The following KCNS3 variants were observed in gnomAD, a reference collection of about 807,000 sequenced individuals.
KCNS3 encodes the protein potassium voltage-gated channel modifier subfamily S member 3.
In KCNS3, 13 loss-of-function variants were observed where a neutral mutation model predicts 31.0. The ratio of observed to expected loss-of-function variants is 0.42; its 90% confidence interval spans 0.27 to 0.67. KCNS3 has a LOEUF of 0.67. KCNS3 is among the 30% of genes least tolerant of loss of function. KCNS3 has a pLI of 0.25. For synonymous variants in KCNS3, 238 were observed against 241.5 expected (o/e 0.99, Z 0.13); for missense variants, 545 against 622.4 (o/e 0.88, Z 1.32).
At chr2:17,894,615 G>A (rs1661978967) in intron 1 of KCNS3, among the ~76,000 whole-genome samples, 1 of 152,204 alleles carries the variant, frequency 6.6e-6, no homozygotes, top group Non-Finnish European at 1.5e-5. Context: ...GTGAACATCA[G>A]GTAGAGAAAG....
intron 1 of KCNS3, among the ~76,000 whole-genome samples, chr2:17,880,595 G>C (rs1393040000): frequency 6.6e-6 from 1 of 152,216 alleles, no homozygotes; most frequent in Non-Finnish European, 1.5e-5. Context: ...TGAATCTTTT[G>C]TCTGACCCAT....
chr2:17,902,691 TG>T (rs1171286917), intron 1 of KCNS3, among the ~76,000 whole-genome samples: 1 of 152,216 alleles, frequency 6.6e-6, no homozygotes, highest in Non-Finnish European at 1.5e-5. Context: ...TTTTAACAAC[TG>T]TAGGTTAAGT....
At chr2:17,917,106 T>C (rs540040706) in intron 1 of KCNS3, among the ~76,000 whole-genome samples, 2 of 152,300 alleles carry the variant, frequency 1.3e-5, no homozygotes, top group African/African-American at 4.8e-5. Context: ...ACACTTCATA[T>C]ACATAACCAC....
intron 1 of KCNS3, among the ~76,000 whole-genome samples, chr2:17,888,714 C>T (rs1661766750): frequency 8.2e-6 from 1 of 122,574 alleles, no homozygotes; most frequent in South Asian, 2.7e-4. Flanking sequence ...TTTTTGTTTG[C>T]TTTGTTAAAG....
intron 2 of KCNS3, among the ~76,000 whole-genome samples, chr2:17,920,761 T>C (rs1015907591): frequency 5.3e-5 from 8 of 152,236 alleles, no homozygotes; most frequent in African/African-American, 1.9e-4. Flanking sequence ...AATGCCACTG[T>C]ACCCTCAGAT....
At position 17,931,555 on chromosome 2, in the gene KCNS3, T is replaced by A. The variant is rs562331327; in HGVS notation, c.547T>A (p.Ser183Thr). 3 of 1,614,208 alleles carry A rather than the reference T, an allele frequency of 1.9e-6. No homozygotes were observed. The African/African-American group carries it at 4.0e-5, about 22-fold the overall frequency. The change falls in exon 3 of 3, where the codon TCC becomes ACC. Residue 183 changes from serine (S) to threonine (T), a missense_variant. Ser to Thr is a moderately conservative substitution (Grantham distance 58). Transcript: ENST00000304101. The surrounding 1 kb of genome is among the most constrained non-coding windows in gnomAD (Gnocchi z 5.4). ...AATGGAGAATCCAGCGTACTGCCTGTCCGCTAAGCTTATCGCTATCTCCTC... is the reference window on the plus strand; with the variant it reads ...AATGGAGAATCCAGCGTACTGCCTGACCGCTAAGCTTATCGCTATCTCCTC... The part of the protein sequence containing the change: ...IRMENPAYCL[S>T]AKLIAISSLS...
intron 1 of KCNS3, chr2:17,879,455 A>C (rs1356861956): frequency 1.3e-5 from 2 of 151,946 alleles, no homozygotes; most frequent in Non-Finnish European, 2.9e-5. Flanking sequence ...TGAGGCTTGC[A>C]GCGCAGGTGT....
At chr2:17,885,749 T>C (rs1661640331) in intron 1 of KCNS3, among the ~76,000 whole-genome samples, 2 of 152,220 alleles carry the variant, frequency 1.3e-5, no homozygotes, top group Non-Finnish European at 2.9e-5. Context: ...TACCAATTTA[T>C]ATGCCAGTCT....
At chr2:17,878,620 C>T (rs965799972), upstream of KCNS3, 1 of 147,820 alleles carries the variant, frequency 6.8e-6, no homozygotes, top group African/African-American at 2.5e-5. Context: ...CCCCGCCCCG[C>T]CCGCAGCTCC....
At position 17,932,423 on chromosome 2, in the gene KCNS3, G is replaced by T; in HGVS notation, c.1415G>T (p.Ser472Ile). ...GATCCTGACTCCACAGATGCTTCAA[G>T]CATTGAAGACAATGAGGACATTTGT... is the stretch of plus-strand genomic sequence containing the variant. Reference protein sequence around the residue: ...VSDPDSTDASSIEDNEDICNT... With the variant: ...VSDPDSTDASIIEDNEDICNT... Residue 472 changes from serine (S) to isoleucine (I), a missense_variant, in exon 3 of 3, where the codon AGC (serine) becomes ATC (isoleucine). By Grantham distance (142) the Ser-to-Ile change is moderately radical (BLOSUM62 -2). Coordinates refer to ENST00000304101, the MANE Select transcript of KCNS3 (RefSeq NM_002252.5). 4 of 1,614,094 alleles carry T rather than the reference G, an allele frequency of 2.5e-6. No individual in the cohort carries two copies. The highest frequency in any genetic ancestry group is 3.4e-6 in the Non-Finnish European group (4 of 1,179,996).
In KCNS3 at chr2:17,909,486, C is replaced by G. The variant is rs898431681; in HGVS notation, c.-251-8194C>G. Among the ~76,000 whole-genome samples the G allele has an allele frequency of 4.1e-4, 62 of 152,142 alleles. 1 individual carries two copies. The highest frequency in any genetic ancestry group is 1.2e-4 in the Non-Finnish European group (8 of 68,022). On this transcript the variant is annotated intron_variant, in intron 1 of 2. Transcript: ENST00000304101. Reference sequence around the variant, plus strand: ...TGTCCTGCCCCCACTGTCTGACGAGCCCCAGTGAGATGAACCCGGTACCTC... The same window carrying G: ...TGTCCTGCCCCCACTGTCTGACGAGGCCCAGTGAGATGAACCCGGTACCTC...
rs750190704 is a variant in KCNS3 at position 17,931,499 on chromosome 2, T to A, written c.491T>A (p.Phe164Tyr). The A allele has an allele frequency of 7.4e-6, 12 of 1,614,046 alleles. No individual in the cohort carries two copies. The East Asian group carries it at 2.0e-4, about 27-fold the overall frequency. The change falls in exon 3 of 3, where the codon TTT (phenylalanine) becomes TAT (tyrosine). Residue 164 changes from phenylalanine to tyrosine, a missense_variant. Phe to Tyr is a conservative substitution (Grantham distance 22). Transcript: ENST00000304101. The surrounding 1 kb of genome is among the most constrained non-coding windows in gnomAD (Gnocchi z 5.4). ...KELEKFDTLR[F>Y]GQLRKKIWIR... ...CTGGAGAAGTTTGACACACTGCGAT[T>A]TGGTCAGCTCCGGAAGAAAATCTGG...
intron 2 of KCNS3, among the ~76,000 whole-genome samples, chr2:17,929,153 T>G (rs1202948114): frequency 1.3e-5 from 2 of 152,226 alleles, no homozygotes; most frequent in Non-Finnish European, 2.9e-5. Flanking sequence ...ACAATCTGGC[T>G]TCTGTCTACC....
chr2:17,886,395 G>C (rs909267107), intron 1 of KCNS3, among the ~76,000 whole-genome samples: 2 of 152,114 alleles, frequency 1.3e-5, no homozygotes, highest in Non-Finnish European at 2.9e-5. Context: ...TTGTAGCAAA[G>C]GCATTTCATT....
intron 1 of KCNS3, among the ~76,000 whole-genome samples, chr2:17,914,824 G>T (rs1484975107): frequency 1.3e-5 from 2 of 152,180 alleles, no homozygotes; most frequent in Non-Finnish European, 2.9e-5. Context: ...CAGACCTACG[G>T]TGCACTGTCA....
chr2:17,901,867 C>T (rs529328614), intron 1 of KCNS3, among the ~76,000 whole-genome samples: 2 of 152,290 alleles, frequency 1.3e-5, no homozygotes, highest in South Asian at 2.1e-4. Flanking sequence ...GATCTGGCCA[C>T]GTGATACCCA....
chr2:17,915,305 C>T (rs1268391168), intron 1 of KCNS3, among the ~76,000 whole-genome samples: 2 of 152,292 alleles, frequency 1.3e-5, no homozygotes, highest in African/African-American at 2.4e-5. Context: ...TTCTTTTGAA[C>T]AGGCCAACAC....
At chr2:17,896,962 A>T (rs1334430222) in intron 1 of KCNS3, among the ~76,000 whole-genome samples, 1 of 151,956 alleles carries the variant, frequency 6.6e-6, no homozygotes, top group Non-Finnish European at 1.5e-5. Flanking sequence ...CTTGATGCTG[A>T]GGTTTGGGGT....
In KCNS3 at chr2:17,932,293, C is replaced by T; in HGVS notation, c.1285C>T (p.Pro429Ser). 1 of 1,613,932 alleles carries T rather than the reference C, an allele frequency of 6.2e-7. No homozygotes were observed. The highest frequency in any genetic ancestry group is 8.5e-7 in the Non-Finnish European group (1 of 1,179,864). ...IDVDQCSEDA[P>S]EKCHELPYFN... ...TGTGGACCAGTGCAGTGAGGATGCACCAGAGAAGTGTCATGAGCTACCTTA... is the reference window on the plus strand; with the variant it reads ...TGTGGACCAGTGCAGTGAGGATGCATCAGAGAAGTGTCATGAGCTACCTTA... Residue 429 changes from proline (P) to serine (S), a missense_variant, in exon 3 of 3, where the codon CCA (proline) becomes TCA (serine). Transcript: ENST00000304101.
Sources: allele counts gnomAD v4.1 joint callset (sites outside exome capture counted in the v4.1 genomes callset), GRCh38; gene constraint gnomAD v4.1.1; non-coding constraint Gnocchi (gnomAD v3.1); transcripts MANE v1.5; gene names NCBI Gene and HGNC (gene_info 2026-07-23, HGNC 2026-07-21).